Variants in NDST4 observed in about 807,000 individuals in gnomAD.
The protein encoded by NDST4 is N-deacetylase and N-sulfotransferase 4.
NDST4 carries 63 observed loss-of-function variants against 100.8 expected under a neutral mutation model. That is an observed-to-expected ratio of 0.62 (90% confidence interval 0.51 to 0.77). The LOEUF (loss-of-function observed/expected upper bound fraction) is 0.77, where lower values mean the gene tolerates loss of function less well. Ranked by LOEUF, NDST4 falls within the 30% of genes least tolerant of loss-of-function variation. NDST4 has a pLI of 0.00. For synonymous variants in NDST4, 377 were observed against 361.8 expected, an observed-to-expected ratio of 1.04 and a Z score of -0.48; for missense variants, 943 against 1,018.4, an observed-to-expected ratio of 0.93 and a Z score of 1.01.
In NDST4 at chr4:115,076,236, C is replaced by T. The variant is rs1729178922; in HGVS notation, c.801G>A (p.Gln267=). The T allele has an allele frequency of 1.2e-6, 2 of 1,614,000 alleles. No homozygotes were observed. The highest frequency in any genetic ancestry group is 1.7e-6 in the Non-Finnish European group (2 of 1,179,940). ...TCAAGTTGTTGCCAAAAAGTACTCT[C>T]TGAATTCCATCATGAAGCCCCAGAT... ...IQDLGLHDGI[Q]RVLFGNNLNF... The change falls in exon 2 of 14, where the codon CAG becomes CAA. Residue 267 remains glutamine (Q), a synonymous_variant. Transcript: ENST00000264363.
chr4:115,039,584 A>G (rs932698891), intron 2 of NDST4, among the ~76,000 whole-genome samples: 7 of 152,216 alleles, frequency 4.6e-5, no homozygotes, highest in Non-Finnish European at 7.3e-5. Context: ...CTATATCAAT[A>G]AATGTAAACC....
chr4:114,909,670 A>C (rs1304000690), intron 6 of NDST4, among the ~76,000 whole-genome samples: 1 of 88,558 alleles, frequency 1.1e-5, no homozygotes, highest in African/African-American at 6.4e-5. Context: ...ACTCCGTCTC[A>C]AAAAAAAAAA....
At chr4:114,975,314 C>T (rs1270195857) in intron 3 of NDST4, among the ~76,000 whole-genome samples, 1 of 152,018 alleles carries the variant, frequency 6.6e-6, no homozygotes, top group Non-Finnish European at 1.5e-5. Context: ...AATTAAACTT[C>T]TAAAATTTAT....
At chr4:115,091,713 A>G (rs930454886) in intron 1 of NDST4, among the ~76,000 whole-genome samples, 4 of 152,298 alleles carry the variant, frequency 2.6e-5, no homozygotes, top group African/African-American at 7.2e-5. Context: ...AGCTAATTTG[A>G]AAGATAACGT....
chr4:114,842,722 A>G, intron 10 of NDST4: 1 of 189,040 alleles, frequency 5.3e-6, no homozygotes, highest in South Asian at 8.1e-5. Context: ...AATGGCATGA[A>G]CCTGGGAGGT....
chr4:115,040,851 C>CAT (rs536401651), intron 2 of NDST4, among the ~76,000 whole-genome samples: 1,667 of 150,602 alleles, frequency 0.011, 29 homozygotes, highest in African/African-American at 0.036. Context: ...TCTATATGTG[C>CAT]ATATATATAT....
intron 2 of NDST4, among the ~76,000 whole-genome samples, chr4:115,049,916 G>A (rs1182768478): frequency 1.3e-5 from 2 of 152,132 alleles, no homozygotes; most frequent in African/African-American, 4.8e-5. Context: ...AGCCCATTAA[G>A]CCTTAGTTCA....
At position 114,920,702 on chromosome 4, in the gene NDST4, T is replaced by C. The variant is rs78584169; in HGVS notation, c.1536+14504A>G. Among the ~76,000 whole-genome samples the C allele has an allele frequency of 9.1e-3, 1,384 of 152,268 alleles. 23 individuals are homozygous for C. The highest frequency in any genetic ancestry group is 0.031 in the African/African-American group (1,294 of 41,544). ...ACATGACCTTTTCTTTACTTCTAAA[T>C]CTCTTGGCTGTTTCTCTGGTTTTAG... On this transcript the variant is annotated intron_variant, in intron 6 of 13. Transcript: ENST00000264363.
intron 6 of NDST4, among the ~76,000 whole-genome samples, chr4:114,873,213 T>C (rs888744457): frequency 6.6e-6 from 1 of 151,856 alleles, no homozygotes; most frequent in East Asian, 1.9e-4. Context: ...TATTCAAATC[T>C]TTTATTTGAA....
intron 2 of NDST4, among the ~76,000 whole-genome samples, chr4:114,999,988 A>C (rs1183196767): frequency 6.6e-6 from 1 of 151,944 alleles, no homozygotes; most frequent in Non-Finnish European, 1.5e-5. Context: ...CCAAATCTGT[A>C]ATTTAAGTAT....
At chr4:115,009,515 A>G (rs1488550963) in intron 2 of NDST4, among the ~76,000 whole-genome samples, 1 of 123,350 alleles carries the variant, frequency 8.1e-6, no homozygotes, top group African/African-American at 3.2e-5. Context: ...CCTTCCTTAC[A>G]CCTTATACAA....
intron 6 of NDST4, among the ~76,000 whole-genome samples, chr4:114,918,538 A>G (rs1310650958): frequency 2.2e-5 from 3 of 139,218 alleles, no homozygotes; most frequent in Non-Finnish European, 4.6e-5. Flanking sequence ...AACTTAAACT[A>G]TAATAAAAAA....
At chr4:114,971,834 T>A (rs1384957024) in intron 3 of NDST4, among the ~76,000 whole-genome samples, 1 of 152,022 alleles carries the variant, frequency 6.6e-6, no homozygotes, top group Non-Finnish European at 1.5e-5. Flanking sequence ...ACTCAGTACT[T>A]GGAGCAGAGT....
chr4:115,100,980 T>G (rs1019329412), intron 1 of NDST4, among the ~76,000 whole-genome samples: 1 of 144,718 alleles, frequency 6.9e-6, no homozygotes, highest in African/African-American at 2.9e-5. Context: ...ATATGAATTA[T>G]TTTTGTCCCA....
chr4:115,068,815 CAAA>C (rs34003720), intron 2 of NDST4, among the ~76,000 whole-genome samples: 5 of 77,602 alleles, frequency 6.4e-5, no homozygotes, highest in Non-Finnish European at 6.0e-5. Flanking sequence ...GGCTCCATCT[CAAA>C]AAAAAAAAAA....
intron 2 of NDST4, among the ~76,000 whole-genome samples, chr4:115,034,372 T>C (rs1728188084): frequency 6.6e-6 from 1 of 152,012 alleles, no homozygotes; most frequent in Non-Finnish European, 1.5e-5. Flanking sequence ...GCCATTGATC[T>C]CATCTGTCAG....
chr4:115,055,393 G>A (rs2126280763), intron 2 of NDST4, among the ~76,000 whole-genome samples: 1 of 152,232 alleles, frequency 6.6e-6, no homozygotes, highest in Admixed American at 6.5e-5. Context: ...GGTCCCTGGT[G>A]CCAAAAAGAT....
chr4:114,964,629 T>C (rs1179206352), intron 4 of NDST4, among the ~76,000 whole-genome samples: 1 of 152,202 alleles, frequency 6.6e-6, no homozygotes, highest in African/African-American at 2.4e-5. Flanking sequence ...ACATGATATC[T>C]ACCTTTCTGA....
At chr4:115,019,090 C>T (rs1234619868) in intron 2 of NDST4, among the ~76,000 whole-genome samples, 1 of 151,864 alleles carries the variant, frequency 6.6e-6, no homozygotes, top group Admixed American at 6.6e-5. Flanking sequence ...TCTCACTCAC[C>T]ATTCCTTCTG....
Sources: allele counts gnomAD v4.1 joint callset (sites outside exome capture counted in the v4.1 genomes callset), GRCh38; gene constraint gnomAD v4.1.1; transcripts MANE v1.5; gene names NCBI Gene and HGNC (gene_info 2026-07-23, HGNC 2026-07-21).